The following STEAP1 variants were observed in gnomAD, a reference collection of about 807,000 sequenced individuals.
STEAP1 encodes the protein STEAP family member 1.
A neutral mutation model predicts 34.4 loss-of-function variants in STEAP1; 30 were observed. That is an observed-to-expected ratio of 0.87 (90% confidence interval 0.65 to 1.18). The LOEUF (loss-of-function observed/expected upper bound fraction) is 1.18, where lower values mean the gene tolerates loss of function less well. Among genes scored for constraint, STEAP1 ranks in the 50% most tolerant of loss-of-function variants. The pLI, the probability that STEAP1 is intolerant of heterozygous loss-of-function variation, is 0.00. For missense variants in STEAP1, 318 were observed against 391.1 expected (o/e 0.81, Z 1.58); for synonymous variants, 116 against 135.3 (o/e 0.86, Z 0.99).
At chr7:90,159,203 A>G (rs1373566035) in intron 1 of STEAP1, among the ~76,000 whole-genome samples, 1 of 152,112 alleles carries the variant, frequency 6.6e-6, no homozygotes, top group Non-Finnish European at 1.5e-5. Context: ...ATTCGGCACA[A>G]CTCACCATTC....
At chr7:90,160,028 G>A (rs1794163524) in intron 2 of STEAP1, among the ~76,000 whole-genome samples, 156 bp downstream of exon 2, 1 of 152,182 alleles carries the variant, frequency 6.6e-6, no homozygotes, top group Non-Finnish European at 1.5e-5. Flanking sequence ...GTGAAGGACA[G>A]AGTAGCATAT....
intron 4 of STEAP1, among the ~76,000 whole-genome samples, chr7:90,163,460 G>A (rs1463670648): frequency 6.6e-6 from 1 of 152,038 alleles, no homozygotes. Context: ...ATACACATTT[G>A]GTAAAACTAA....
chr7:90,160,290 G>T (rs898047285), intron 2 of STEAP1, among the ~76,000 whole-genome samples: 2 of 151,838 alleles, frequency 1.3e-5, no homozygotes, highest in African/African-American at 4.8e-5. Flanking sequence ...CTTACCAAGA[G>T]ATCAGTAAAT....
rs1794126360 is a variant in STEAP1 at position 90,156,968 on chromosome 7, C to T, written c.-32+2425C>T. Among the ~76,000 whole-genome samples, 3 of 152,272 alleles carry T rather than the reference C, an allele frequency of 2.0e-5. No homozygotes were observed. In the South Asian group the frequency reaches 6.2e-4, roughly 32 times the overall value. ...ATAGCAGTGCGAGAACAGCGTAATA[C>T]AGTTGGTTAAGTCACCAAATGACTT... On this transcript the variant is annotated intron_variant, in intron 1 of 4. Coordinates refer to ENST00000297205, the MANE Select transcript of STEAP1 (RefSeq NM_012449.3).
chr7:90,164,011 A>G (rs930932743), intron 4 of STEAP1, among the ~76,000 whole-genome samples: 2 of 152,212 alleles, frequency 1.3e-5, no homozygotes, highest in African/African-American at 2.4e-5. Context: ...GATTTTTGCT[A>G]TAATCTTCAA....
In STEAP1 at chr7:90,160,943, A is replaced by G. The variant is rs747961520; in HGVS notation, c.223A>G (p.Ile75Val). 2.7e-5 allele frequency: 43 copies of G among 1,613,916 alleles called. No homozygotes were observed. Among genetic ancestry groups the G allele is most frequent in the South Asian group, 4.4e-5 (4 of 91,084 alleles). ...QELFPQWHLPIKIAAIIASLT... is the reference protein window; with the variant it reads ...QELFPQWHLPVKIAAIIASLT... ...ACTCTTTCCACAGTGGCACTTGCCA[A>G]TTAAAATAGCTGCTATTATAGCATC... The change falls in exon 3 of 5, where the codon ATT becomes GTT. Residue 75 changes from isoleucine to valine, a missense_variant. Physicochemically the swap from Ile to Val is conservative, Grantham distance 29. Transcript: ENST00000297205.
chr7:90,162,432 G>A lies in STEAP1; in HGVS notation c.762+354G>A, dbSNP rs10233445. Reference sequence around the variant, plus strand: ...CAACCTGCGCCTCCTGGGTTCAGGCGATTCTCTTGCCTCAGCCTCCTGAGT... The same window carrying A: ...CAACCTGCGCCTCCTGGGTTCAGGCAATTCTCTTGCCTCAGCCTCCTGAGT... On this transcript the variant is annotated intron_variant, in intron 4 of 4. Coordinates refer to ENST00000297205, the MANE Select transcript of STEAP1 (RefSeq NM_012449.3). 7.1e-4 allele frequency among the ~76,000 whole-genome samples: 108 copies of A among 152,044 alleles called. 2 individuals carry two copies. Among genetic ancestry groups the A allele is most frequent in the African/African-American group, 2.5e-3 (103 of 41,484 alleles).
At chr7:90,159,894 T>G (rs781544168) in intron 2 of STEAP1, 22 bp downstream of exon 2, 2 of 1,382,176 alleles carry the variant, frequency 1.4e-6, no homozygotes, top group Admixed American at 2.4e-5. Flanking sequence ...ATAATAACAA[T>G]AATAAATAAT....
intron 4 of STEAP1, among the ~76,000 whole-genome samples, chr7:90,162,729 T>A (rs185854979): frequency 1.2e-3 from 187 of 152,310 alleles, no homozygotes; most frequent in Admixed American, 6.5e-3. Flanking sequence ...TTAAAAAAAA[T>A]ATTCTTTTAC....
intron 1 of STEAP1, among the ~76,000 whole-genome samples, chr7:90,155,560 C>CT (rs1243196694): frequency 7.9e-5 from 12 of 152,118 alleles, no homozygotes; most frequent in Non-Finnish European, 1.6e-4. Flanking sequence ...CATTTTAACA[C>CT]CAGGTTGTTT....
Position 90,158,530 on chromosome 7 carries a change from C to T in STEAP1, c.-31-1228C>T, listed in dbSNP as rs575584027. 3.6e-4 allele frequency among the ~76,000 whole-genome samples: 55 copies of T among 152,070 alleles called. 1 individual carries two copies. Among genetic ancestry groups the T allele is most frequent in the African/African-American group, 1.3e-3 (55 of 41,468 alleles). On this transcript the variant is annotated intron_variant, in intron 1 of 4. Coordinates refer to ENST00000297205, the MANE Select transcript of STEAP1 (RefSeq NM_012449.3). ...GCCCAGGCCTACCCAGGGTCAGGAT[C>T]ATCAGTATCACTGTCTTCCACCTCT...
intron 1 of STEAP1, among the ~76,000 whole-genome samples, chr7:90,157,312 TTTC>T (rs1203573887): frequency 6.6e-6 from 1 of 152,242 alleles, no homozygotes; most frequent in Non-Finnish European, 1.5e-5. Flanking sequence ...CCGTGTTGGC[TTTC>T]TTCTTTTCTA....
chr7:90,161,967 G>C lies in STEAP1; in HGVS notation c.651G>C (p.Glu217Asp), dbSNP rs774408428. Residue 217 changes from glutamate to aspartate, a missense_variant, in exon 4 of 5, where the codon GAG (glutamate) becomes GAC (aspartate). By Grantham distance (45) the Glu-to-Asp change is conservative. Transcript: ENST00000297205. ...AWIEHDVWRM[E>D]IYVSLGIVGL... ...TTGAGCATGATGTTTGGAGAATGGAGATTTATGTGTCTCTGGGAATTGTGG... is the reference window on the plus strand; with the variant it reads ...TTGAGCATGATGTTTGGAGAATGGACATTTATGTGTCTCTGGGAATTGTGG... 1.9e-6 allele frequency: 3 copies of C among 1,613,848 alleles called. No homozygotes were observed. The highest frequency in any genetic ancestry group is 2.5e-6 in the Non-Finnish European group (3 of 1,179,810).
Position 90,164,823 on chromosome 7 carries a change from A to G in STEAP1, c.*89A>G, listed in dbSNP as rs1323915695. The G allele has an allele frequency of 4.6e-6, 6 of 1,298,882 alleles. No individual in the cohort carries two copies. The African/African-American group carries it at 9.0e-5, about 19-fold the overall frequency. 80.5% of individuals were successfully genotyped at this position (1,298,882 alleles called of 1,614,324 possible). ...GTATTTGTTAATAAAATGATTATTCAAGGATCTTGATGTTTCTCTTTGTAT... is the reference window on the plus strand; with the variant it reads ...GTATTTGTTAATAAAATGATTATTCGAGGATCTTGATGTTTCTCTTTGTAT... On this transcript the variant is annotated 3_prime_UTR_variant, in exon 5 of 5. Transcript: ENST00000297205.
chr7:90,162,255 C>G, intron 4 of STEAP1, 177 bp downstream of exon 4: 1 of 886,808 alleles, frequency 1.1e-6, no homozygotes, highest in Non-Finnish European at 1.5e-6. Flanking sequence ...CTAATTAGGA[C>G]AAGTGTTTCC....
rs1794182797 is a variant in STEAP1, at chr7:90,161,249, A to G, written c.529A>G (p.Ile177Val). ...LSFFFAVLHA[I>V]YSLSYPMRRS... ...TTTCTTTTTTGCTGTACTGCATGCA[A>G]TTTATAGTCTGTCTTACCCAATGAG... is the stretch of plus-strand genomic sequence containing the variant. The change falls in exon 3 of 5, where the codon ATT (isoleucine) becomes GTT (valine). Residue 177 changes from isoleucine to valine, a missense_variant. Physicochemically the swap from Ile to Val is conservative, Grantham distance 29 (BLOSUM62 3). Coordinates refer to ENST00000297205, the MANE Select transcript of STEAP1 (RefSeq NM_012449.3). The G allele has an allele frequency of 4.3e-6, 7 of 1,614,040 alleles. No homozygotes were observed. The highest frequency in any genetic ancestry group is 1.7e-5 in the Admixed American group (1 of 59,986).
Position 90,162,008 on chromosome 7 carries a change from C to T in STEAP1, c.692C>T (p.Ala231Val), listed in dbSNP as rs749992047. 26 of 1,613,734 alleles carry T rather than the reference C, an allele frequency of 1.6e-5. No individual in the cohort carries two copies. Among genetic ancestry groups the T allele is most frequent in the Admixed American group, 3.3e-5 (2 of 59,976 alleles). Residue 231 changes from alanine (A) to valine (V), a missense_variant, in exon 4 of 5, where the codon GCT becomes GTT. Coordinates refer to ENST00000297205, the MANE Select transcript of STEAP1 (RefSeq NM_012449.3). ...SLGIVGLAIL[A>V]LLAVTSIPSV... Reference sequence around the variant, plus strand: ...GGAATTGTGGGATTGGCAATACTGGCTCTGTTGGCTGTGACATCTATTCCA... The same window carrying T: ...GGAATTGTGGGATTGGCAATACTGGTTCTGTTGGCTGTGACATCTATTCCA...
chr7:90,162,521 G>A (rs1164766257), intron 4 of STEAP1, among the ~76,000 whole-genome samples: 1 of 151,926 alleles, frequency 6.6e-6, no homozygotes, highest in Admixed American at 6.6e-5. Flanking sequence ...TAGAGACAGG[G>A]TTTTCCCATG....
chr7:90,155,566 T>G (rs1794107555), intron 1 of STEAP1, among the ~76,000 whole-genome samples: 1 of 152,232 alleles, frequency 6.6e-6, no homozygotes. Flanking sequence ...AACACCAGGT[T>G]GTTTTCTGTT....
Sources: allele counts gnomAD v4.1 joint callset (sites outside exome capture counted in the v4.1 genomes callset), GRCh38; gene constraint gnomAD v4.1.1; transcripts MANE v1.5; gene names NCBI Gene and HGNC (gene_info 2026-07-23, HGNC 2026-07-21).